Variants in THBS3 observed in about 807,000 individuals in gnomAD.
THBS3 encodes thrombospondin-3.
Under a neutral mutation model 118.3 loss-of-function variants are expected in THBS3, and 78 were observed. That is an observed-to-expected ratio of 0.66 (90% CI 0.55 to 0.80). THBS3 has a LOEUF of 0.80. THBS3 is among the 30% of genes least tolerant of loss of function. The probability of loss-of-function intolerance (pLI) is 0.00; values close to 1 mark genes in which losing one functional copy is unlikely to be tolerated. For synonymous variants in THBS3, 427 were observed against 475.3 expected (o/e 0.90, Z 1.32); for missense variants, 1,057 against 1,247.4 (o/e 0.85, Z 2.30).
Position 155,195,720 on chromosome 1 carries a change from G to A in THBS3, c.*121C>T. On this transcript the variant is annotated 3_prime_UTR_variant, in exon 23 of 23. Transcript: ENST00000368378. ...ACCCCTCTGGGACTGAACTCCTTTT[G>A]GGAGCCAGAGAAGGGTCTGTGGTTG... 1 of 1,108,124 alleles carries A rather than the reference G, an allele frequency of 9.0e-7. No homozygotes were observed. The highest frequency in any genetic ancestry group is 2.0e-5 in the Admixed American group (1 of 49,516). The allele number at this position is 1,108,124 out of a possible 1,614,324, so 68.6% of individuals were successfully genotyped here. A position where few individuals can be genotyped will look rare whatever the true frequency, so the allele number is the denominator to read the frequency against.
chr1:155,198,623 C>T (rs1423325403), intron 16 of THBS3, 21 bp from the exon 17 acceptor site: 1 of 1,610,270 alleles, frequency 6.2e-7, no homozygotes, highest in Non-Finnish European at 8.5e-7. Flanking sequence ...GAACAGGTAC[C>T]AAATAAAGGA....
In THBS3 at chr1:155,200,589, T is replaced by C. The variant is rs1436997751; in HGVS notation, c.1570A>G (p.Asn524Asp). 4.3e-6 allele frequency: 7 copies of C among 1,612,904 alleles called. No homozygotes were observed. Among genetic ancestry groups the C allele is most frequent in the Non-Finnish European group, 5.1e-6 (6 of 1,179,194 alleles). The change falls in exon 14 of 23, where the codon AAC (asparagine) becomes GAC (aspartate). Residue 524 changes from asparagine to aspartate, a missense_variant. By Grantham distance (23) the Asn-to-Asp change is conservative. Transcript: ENST00000368378. ...NVEDNCRLFP[N>D]KDQQNSDTDS... is the part of the protein sequence containing the mutation. ...GTATCTGAGTTCTGCTGGTCTTTGT[T>C]GGGGAACAGCCGGCAGTTGTCCTGG...
At chr1:155,205,431 C>G in intron 2 of THBS3, 115 bp from the exon 3 acceptor site, 1 of 1,377,834 alleles carries the variant, frequency 7.3e-7, no homozygotes, top group South Asian at 1.4e-5. Context: ...CCTAATTCTA[C>G]TATGTGGCTC....
chr1:155,208,986 G>C, upstream of THBS3: 1 of 1,603,694 alleles, frequency 6.2e-7, no homozygotes, highest in Non-Finnish European at 8.5e-7. Context: ...ACGAGGCGCC[G>C]TGACTCTCCG....
In THBS3 at chr1:155,202,802, C is replaced by T; in HGVS notation, c.957+10G>A. On this transcript the variant is annotated intron_variant, in intron 8 of 22. Transcript: ENST00000368378. The surrounding 1 kb of genome is among the most constrained non-coding windows in gnomAD (Gnocchi z 5.5). ...TTTTCTGTACCCTTCTGGGCTCTGA[C>T]CTCCCTCACCTCATTGATGTCACTG... 1.2e-6 allele frequency: 2 copies of T among 1,605,834 alleles called. No homozygotes were observed. The highest frequency in any genetic ancestry group is 1.1e-5 in the South Asian group (1 of 90,252).
rs947757505 is a variant in THBS3, at chr1:155,198,672, G to A, written c.1881-70C>T. ...CTTGTCCTTCCCTTCGCTTCTGCCT[G>A]GGAGTCTCTGGAGCCTGCTCTCCAT... On this transcript the variant is annotated intron_variant, in intron 16 of 22. Transcript: ENST00000368378. The A allele has an allele frequency of 1.6e-5, 24 of 1,500,510 alleles. No homozygotes were observed. The South Asian group carries it at 2.4e-4, about 15-fold the overall frequency. The allele number at this position is 1,500,510 out of a possible 1,614,324, so 92.9% of individuals were successfully genotyped here.
intron 16 of THBS3, among the ~76,000 whole-genome samples, 200 bp downstream of exon 16, chr1:155,199,604 A>C (rs1669335557): frequency 6.6e-6 from 1 of 151,990 alleles, no homozygotes; most frequent in South Asian, 2.1e-4. Flanking sequence ...AAATACAAGA[A>C]TTAGCTGGGC....
At position 155,201,947 on chromosome 1, in the gene THBS3, TTCAGC is replaced by T; in HGVS notation, c.1176+5_1176+9del. On this transcript the variant is annotated splice_donor_5th_base_variant and intron_variant, in intron 10 of 22. Transcript: ENST00000368378. ...ACCACCCCAGAATACACTCAGGATA[TTCAGC>T]TCACCACAGTGTTGGTGCAGATGGA... 1 of 1,613,936 alleles carries T rather than the reference TTCAGC, an allele frequency of 6.2e-7. No homozygotes were observed. The highest frequency in any genetic ancestry group is 8.5e-7 in the Non-Finnish European group (1 of 1,180,008).
intron 10 of THBS3, 59 bp from the exon 11 acceptor site, chr1:155,201,628 C>T (rs148181868): frequency 6.4e-7 from 1 of 1,561,080 alleles, no homozygotes; most frequent in Non-Finnish European, 8.7e-7. Context: ...CACCCAGGAC[C>T]AGCACTGCTC....
Position 155,201,077 on chromosome 1 carries a change from C to T in THBS3, c.1440+17G>A. The T allele has an allele frequency of 1.2e-6, 2 of 1,614,190 alleles. No individual in the cohort carries two copies. Among genetic ancestry groups the T allele is most frequent in the Middle Eastern group, 1.6e-4 (1 of 6,062 alleles). The stretch of plus-strand genomic sequence containing the variant: ...TGGGCTCCCCACTACGCCCCCTTGC[C>T]CGCCTGCTCCCTGCACCTGTTTGCA... On this transcript the variant is annotated intron_variant, in intron 12 of 22. Coordinates refer to ENST00000368378, the MANE Select transcript of THBS3 (RefSeq NM_007112.5).
At position 155,201,798 on chromosome 1, in the gene THBS3, G is replaced by A. The variant is rs1669770638; in HGVS notation, c.1176+159C>T. 3.5e-6 allele frequency: 4 copies of A among 1,155,990 alleles called. No individual in the cohort carries two copies. The Admixed American group carries it at 8.6e-5, about 25-fold the overall frequency. 71.6% of individuals were successfully genotyped at this position (1,155,990 alleles called of 1,614,324 possible). On this transcript the variant is annotated intron_variant, in intron 10 of 22. Coordinates refer to ENST00000368378, the MANE Select transcript of THBS3 (RefSeq NM_007112.5). ...ATAACCTGCTAAAGAGCTAGCAAGAGGCAAACCAGTATTCCAAACCAAGTC... is the reference window on the plus strand; with the variant it reads ...ATAACCTGCTAAAGAGCTAGCAAGAAGCAAACCAGTATTCCAAACCAAGTC...
chr1:155,201,886 G>A, intron 10 of THBS3, 71 bp downstream of exon 10: 1 of 1,602,400 alleles, frequency 6.2e-7, no homozygotes, highest in Non-Finnish European at 8.5e-7. Context: ...AAATTTGAAG[G>A]TAAGAAGGGG....
intron 4 of THBS3, among the ~76,000 whole-genome samples, chr1:155,204,254 C>CA (rs1315312875): frequency 2.0e-5 from 3 of 152,140 alleles, no homozygotes; most frequent in African/African-American, 7.2e-5. Flanking sequence ...GGGCAACACT[C>CA]AGAGAAATTG....
Position 155,204,923 on chromosome 1 carries a change from C to T in THBS3, c.578G>A (p.Gly193Glu). The change falls in exon 4 of 23, where the codon GGG (glycine) becomes GAG (glutamate). Residue 193 changes from glycine (G) to glutamate (E), a missense_variant. Physicochemically the swap from Gly to Glu is moderately conservative, Grantham distance 98. Around this residue, in one of 3 missense-constraint regions of THBS3, gnomAD observed 544 missense variants for 715.6 expected, o/e 0.76. Coordinates refer to ENST00000368378, the MANE Select transcript of THBS3 (RefSeq NM_007112.5). The part of the protein sequence containing the change: ...FVESMKIILG[G>E]SMARVGALSE... The stretch of plus-strand genomic sequence containing the variant: ...CAGGGCTCCTACCCGGGCCATGGAC[C>T]CACCCAGAATAATTTTCATAGATTC... 2 of 1,613,978 alleles carry T rather than the reference C, an allele frequency of 1.2e-6. No homozygotes were observed. The highest frequency in any genetic ancestry group is 1.7e-6 in the Non-Finnish European group (2 of 1,180,030).
Position 155,197,013 on chromosome 1 carries a change from C to T in THBS3, c.2672+28G>A, listed in dbSNP as rs1232851169. Reference sequence around the variant, plus strand: ...GGAAGGACAGGCCCGGCCTGAGTCCCACAGGTGGGCTCAGCCCCTCTCCTT... The same window carrying T: ...GGAAGGACAGGCCCGGCCTGAGTCCTACAGGTGGGCTCAGCCCCTCTCCTT... On this transcript the variant is annotated intron_variant, in intron 21 of 22. Transcript: ENST00000368378. The surrounding 1 kb of genome is among the most constrained non-coding windows in gnomAD (Gnocchi z 5.0). 2 of 1,604,534 alleles carry T rather than the reference C, an allele frequency of 1.2e-6. No homozygotes were observed. The highest frequency in any genetic ancestry group is 8.5e-7 in the Non-Finnish European group (1 of 1,172,748).
chr1:155,200,543 C>T lies in THBS3; in HGVS notation c.1616G>A (p.Cys539Tyr). The stretch of plus-strand genomic sequence containing the variant: ...GTTGGGAACGTTGGGGCAATTGTCA[C>T]AGGCATCACCAAATGAATCTGTATC... ...NSDTDSFGDA[C>Y]DNCPNVPNND... is the part of the protein sequence containing the mutation. The change falls in exon 14 of 23, where the codon TGT becomes TAT. Residue 539 changes from cysteine (C) to tyrosine (Y), a missense_variant. By Grantham distance (194) the Cys-to-Tyr change is radical. Around this residue, in one of 3 missense-constraint regions of THBS3, gnomAD observed 544 missense variants for 715.6 expected, o/e 0.76. Transcript: ENST00000368378. 2 of 1,614,190 alleles carry T rather than the reference C, an allele frequency of 1.2e-6. No individual in the cohort carries two copies. The highest frequency in any genetic ancestry group is 1.7e-6 in the Non-Finnish European group (2 of 1,180,038).
At position 155,201,213 on chromosome 1, in the gene THBS3, A is replaced by T. The variant is rs1481060495; in HGVS notation, c.1330-9T>A. Reference sequence around the variant, plus strand: ...GCCCAGCCCACGTTACACTAGGGCAACACAAAGGGTAGGAGCTAGCAGTTT... The same window carrying T: ...GCCCAGCCCACGTTACACTAGGGCATCACAAAGGGTAGGAGCTAGCAGTTT... On this transcript the variant is annotated splice_polypyrimidine_tract_variant and intron_variant, in intron 11 of 22. Transcript: ENST00000368378. 1 of 1,613,892 alleles carries T rather than the reference A, an allele frequency of 6.2e-7. No individual in the cohort carries two copies. The highest frequency in any genetic ancestry group is 8.5e-7 in the Non-Finnish European group (1 of 1,179,972).
intron 13 of THBS3, 115 bp from the exon 14 acceptor site, chr1:155,200,725 G>A: frequency 6.4e-7 from 1 of 1,556,374 alleles, no homozygotes; most frequent in African/African-American, 1.4e-5. Flanking sequence ...TGGACAAACT[G>A]CTCAGTACAG....
At chr1:155,199,409 CAAAAAAA>C (rs11355526) in intron 16 of THBS3, among the ~76,000 whole-genome samples, 1 of 121,738 alleles carries the variant, frequency 8.2e-6, no homozygotes, top group Non-Finnish European at 1.7e-5. Flanking sequence ...GACTCCGTCT[CAAAAAAA>C]AAAAAAAAAG....
Sources: allele counts gnomAD v4.1 joint callset (sites outside exome capture counted in the v4.1 genomes callset), GRCh38; gene constraint gnomAD v4.1.1; regional missense constraint gnomAD v4.1.1; non-coding constraint Gnocchi (gnomAD v3.1); transcripts MANE v1.5; gene names NCBI Gene and HGNC (gene_info 2026-07-23, HGNC 2026-07-21).